Variants in ANKS1B observed in about 807,000 individuals in gnomAD.
ANKS1B encodes the protein ankyrin repeat and sterile alpha motif domain-containing protein 1B.
ANKS1B carries 36 observed loss-of-function variants against 148.3 expected under a neutral mutation model. The observed-to-expected ratio is 0.24, with a 90% confidence interval of 0.19 to 0.32. The LOEUF (loss-of-function observed/expected upper bound fraction) is 0.32. ANKS1B is among the 10% of genes least tolerant of loss of function. The pLI, the probability that ANKS1B is intolerant of heterozygous loss-of-function variation, is 1.00. For missense variants in ANKS1B, 1,157 were observed against 1,542.6 expected, an observed-to-expected ratio of 0.75 and a Z score of 4.19; for synonymous variants, 542 against 560.8, an observed-to-expected ratio of 0.97 and a Z score of 0.47.
chr12:99,499,463 G>A (rs1489468867), intron 10 of ANKS1B, among the ~76,000 whole-genome samples: 1 of 152,154 alleles, frequency 6.6e-6, no homozygotes, highest in Non-Finnish European at 1.5e-5. Context: ...GAAAGTGGCT[G>A]CAAGAATATC....
chr12:99,176,921 T>G (rs1431732217), intron 14 of ANKS1B, among the ~76,000 whole-genome samples: 2 of 152,160 alleles, frequency 1.3e-5, no homozygotes, highest in African/African-American at 4.8e-5. Flanking sequence ...TCTTTATAAA[T>G]TACATAGTCT....
intron 1 of ANKS1B, among the ~76,000 whole-genome samples, chr12:99,926,744 T>C (rs1368025395): frequency 6.6e-6 from 1 of 152,208 alleles, no homozygotes; most frequent in Non-Finnish European, 1.5e-5. Flanking sequence ...ACACTGCAAA[T>C]GACCTCTTAT....
chr12:99,246,353 C>CCAGT lies in ANKS1B; in HGVS notation c.2264_2267dup (p.Trp756Ter). On this transcript the variant is annotated stop_gained and frameshift_variant, in exon 13 of 27. Coordinates refer to ENST00000683438, the MANE Select transcript of ANKS1B (RefSeq NM_001352186.2). LOFTEE classifies it high-confidence loss of function. Reference sequence around the variant, plus strand: ...TGTGTTCAGCAGTGGAAGATTCACTCCAGTTAACTCTTGATGTTTTCTCAT... The same window carrying CCAGT: ...TGTGTTCAGCAGTGGAAGATTCACTCCAGTCAGTTAACTCTTGATGTTTTCTCAT... 1 of 1,613,604 alleles carries CCAGT rather than the reference C, an allele frequency of 6.2e-7. No individual in the cohort carries two copies. The highest frequency in any genetic ancestry group is 8.5e-7 in the Non-Finnish European group (1 of 1,179,744).
intron 12 of ANKS1B, among the ~76,000 whole-genome samples, chr12:99,364,420 G>A (rs571094348): frequency 9.9e-5 from 15 of 152,186 alleles, no homozygotes; most frequent in African/African-American, 2.6e-4. Context: ...AACTACTTCC[G>A]CATCTCCCAT....
At chr12:99,477,449 A>T (rs1472690196) in intron 10 of ANKS1B, among the ~76,000 whole-genome samples, 4 of 151,978 alleles carry the variant, frequency 2.6e-5, no homozygotes, top group Non-Finnish European at 5.9e-5. Flanking sequence ...GTCCTAGGCA[A>T]ACCAGCTTGG....
intron 9 of ANKS1B, among the ~76,000 whole-genome samples, chr12:99,561,460 A>C (rs1390481331): frequency 2.0e-5 from 3 of 152,152 alleles, no homozygotes; most frequent in Non-Finnish European, 4.4e-5. Context: ...TTTAATTCAA[A>C]GATTAGATTT....
At chr12:99,937,904 TATA>T (rs2094820866) in intron 1 of ANKS1B, among the ~76,000 whole-genome samples, 1 of 152,090 alleles carries the variant, frequency 6.6e-6, no homozygotes, top group Non-Finnish European at 1.5e-5. Flanking sequence ...TCAAGTTATA[TATA>T]ATAAGTGAAA....
At position 98,835,335 on chromosome 12, in the gene ANKS1B, C is replaced by A. The variant is rs181611669; in HGVS notation, c.2779-3199G>T. On this transcript the variant is annotated intron_variant, in intron 17 of 26. Coordinates refer to ENST00000683438, the MANE Select transcript of ANKS1B (RefSeq NM_001352186.2). Reference sequence around the variant, plus strand: ...ATGAAGAGTAAGTTGTGAGAATAACCAGCATAGTGCCTGACACATAGAAGA... The same window carrying A: ...ATGAAGAGTAAGTTGTGAGAATAACAAGCATAGTGCCTGACACATAGAAGA... Among the ~76,000 whole-genome samples the A allele has an allele frequency of 4.8e-3, 737 of 152,208 alleles. 5 individuals are homozygous for A. Among genetic ancestry groups the A allele is most frequent in the Non-Finnish European group, 8.0e-3 (543 of 68,024 alleles).
intron 22 of ANKS1B, among the ~76,000 whole-genome samples, chr12:98,784,219 A>C (rs1420035919): frequency 6.6e-6 from 1 of 152,222 alleles, no homozygotes; most frequent in African/African-American, 2.4e-5. Flanking sequence ...ACCTACATAC[A>C]TGGATGGCCA....
chr12:99,777,285 A>T (rs915817928), intron 6 of ANKS1B, among the ~76,000 whole-genome samples: 1 of 152,232 alleles, frequency 6.6e-6, no homozygotes, highest in African/African-American at 2.4e-5. Context: ...GAAATCCAGG[A>T]ATGCAAAGAA....
At chr12:99,733,182 A>C (rs1006631841) in intron 8 of ANKS1B, among the ~76,000 whole-genome samples, 9 of 152,212 alleles carry the variant, frequency 5.9e-5, no homozygotes, top group Admixed American at 3.3e-4. Context: ...TGCCTTGGCC[A>C]ATGGAATATG....
intron 17 of ANKS1B, among the ~76,000 whole-genome samples, chr12:98,998,847 G>A (rs903780646): frequency 5.3e-5 from 8 of 152,160 alleles, no homozygotes; most frequent in Non-Finnish European, 7.3e-5. Context: ...GAACGAGCTC[G>A]TTAACACTGC....
intron 8 of ANKS1B, among the ~76,000 whole-genome samples, chr12:99,659,196 A>G (rs1320823736): frequency 2.0e-5 from 3 of 152,190 alleles, no homozygotes; most frequent in South Asian, 4.1e-4. Context: ...GTGTAAAACC[A>G]TAATTTTTAA....
At chr12:99,704,155 A>C (rs1249725697) in intron 8 of ANKS1B, among the ~76,000 whole-genome samples, 1 of 152,118 alleles carries the variant, frequency 6.6e-6, no homozygotes, top group African/African-American at 2.4e-5. Context: ...GTATGAACAT[A>C]ATCAGCCCTG....
chr12:99,774,552 C>T lies in ANKS1B; in HGVS notation c.961+996G>A, dbSNP rs558864378. ...CCATGGGAATGTAAAATGTTAAAGG[C>T]TCTATGGAAAACAGTATGGAGATTC... On this transcript the variant is annotated intron_variant, in intron 7 of 26. Coordinates refer to ENST00000683438, the MANE Select transcript of ANKS1B (RefSeq NM_001352186.2). Among the ~76,000 whole-genome samples the T allele has an allele frequency of 2.2e-4, 34 of 152,094 alleles. 1 individual carries two copies. The highest frequency in any genetic ancestry group is 4.3e-4 in the Non-Finnish European group (29 of 67,924).
chr12:99,677,035 A>G (rs1042934754), intron 8 of ANKS1B, among the ~76,000 whole-genome samples: 5 of 152,240 alleles, frequency 3.3e-5, no homozygotes, highest in Non-Finnish European at 5.9e-5. Context: ...AGCAAACTCA[A>G]TATTTCATGT....
At chr12:99,870,230 A>C (rs757761964) in intron 1 of ANKS1B, among the ~76,000 whole-genome samples, 1 of 152,182 alleles carries the variant, frequency 6.6e-6, no homozygotes, top group Non-Finnish European at 1.5e-5. Context: ...CACTTGGGAT[A>C]ATGTCCTCCA....
Position 99,655,253 on chromosome 12 carries a change from T to C in ANKS1B, c.1129-43A>G, listed in dbSNP as rs769802060. 2.7e-6 allele frequency: 4 copies of C among 1,456,888 alleles called. No homozygotes were observed. In the East Asian group the frequency reaches 9.9e-5, roughly 36 times the overall value. 90.2% of individuals were successfully genotyped at this position (1,456,888 alleles called of 1,614,324 possible). ...TCATACCAATATATTATATCAATGA[T>C]ATTTAGATATCTTAACATCAATTAA... is the stretch of plus-strand genomic sequence containing the variant. On this transcript the variant is annotated intron_variant, in intron 8 of 26. Coordinates refer to ENST00000683438, the MANE Select transcript of ANKS1B (RefSeq NM_001352186.2).
Position 98,903,871 on chromosome 12 carries a change from C to T in ANKS1B, c.2779-71735G>A, listed in dbSNP as rs138734384. Among the ~76,000 whole-genome samples the T allele has an allele frequency of 6.2e-3, 944 of 152,204 alleles. 5 individuals carry two copies. The highest frequency in any genetic ancestry group is 0.016 in the South Asian group (76 of 4,816). On this transcript the variant is annotated intron_variant, in intron 17 of 26. Transcript: ENST00000683438. Reference sequence around the variant, plus strand: ...CCTCCAGTGATAGGGAGCTCATTACCAACTGAAGAAGCCCATCCATCTTTG... The same window carrying T: ...CCTCCAGTGATAGGGAGCTCATTACTAACTGAAGAAGCCCATCCATCTTTG...
Sources: gnomAD v4.1 joint callset for allele counts (sites outside exome capture counted in the v4.1 genomes callset) on GRCh38, gnomAD v4.1.1 for gene constraint, MANE v1.5 for transcripts, NCBI Gene and HGNC (gene_info 2026-07-23, HGNC 2026-07-21) for gene names.